KIAA0513: variants seen among roughly 807,000 people sequenced by gnomAD.
KIAA0513 encodes KIAA0513.
A neutral mutation model predicts 56.5 loss-of-function variants in KIAA0513; 39 were observed. That is an observed-to-expected ratio of 0.69 (90% CI 0.53 to 0.90). KIAA0513 has a LOEUF of 0.90. Among genes scored for constraint, KIAA0513 ranks in the 40% least tolerant of loss-of-function variants. The pLI, the probability that KIAA0513 is intolerant of heterozygous loss-of-function variation, is 0.00. For synonymous variants in KIAA0513, 268 were observed against 215.6 expected (o/e 1.24, Z -2.13); for missense variants, 591 against 535.2 (o/e 1.10, Z -1.03).
At chr16:85,068,687 G>C (rs984199392) in intron 2 of KIAA0513, among the ~76,000 whole-genome samples, 3 of 151,982 alleles carry the variant, frequency 2.0e-5, no homozygotes, top group Admixed American at 6.6e-5. Context: ...GGCTGGTCTC[G>C]AACTCCTGAC....
Position 85,077,645 on chromosome 16 carries a change from T to G in KIAA0513, c.782+13T>G. 6.3e-7 allele frequency: 1 copy of G among 1,586,004 alleles called. No individual in the cohort carries two copies. The highest frequency in any genetic ancestry group is 8.6e-7 in the Non-Finnish European group (1 of 1,162,006). On this transcript the variant is annotated intron_variant, in intron 6 of 12. Transcript: ENST00000683363. ...CCAGGAGGAACGAGTACGTGTGGCC[T>G]TGGGGTCCCTCCCACCTGCAGGGGA... is the stretch of plus-strand genomic sequence containing the variant.
chr16:85,045,339 AC>A (rs2073157318), intron 1 of KIAA0513, among the ~76,000 whole-genome samples: 1 of 152,050 alleles, frequency 6.6e-6, no homozygotes, highest in African/African-American at 2.4e-5. Context: ...TATATTTGAT[AC>A]TTAAGCAGAG....
intron 1 of KIAA0513, among the ~76,000 whole-genome samples, chr16:85,065,009 C>G (rs899294533): frequency 6.6e-6 from 1 of 152,218 alleles, no homozygotes; most frequent in Non-Finnish European, 1.5e-5. Context: ...CTCTTGCGTG[C>G]CTTGCCTATT....
intron 1 of KIAA0513, among the ~76,000 whole-genome samples, chr16:85,064,469 A>G (rs1207839477): frequency 1.3e-5 from 2 of 152,230 alleles, no homozygotes; most frequent in Non-Finnish European, 2.9e-5. Flanking sequence ...GAAGAGAGAA[A>G]AATAAGAATG....
Position 85,077,154 on chromosome 16 carries a change from C to T in KIAA0513, c.575-271C>T, listed in dbSNP as rs540536061. 2.6e-5 allele frequency among the ~76,000 whole-genome samples: 4 copies of T among 152,276 alleles called. No homozygotes were observed. In the South Asian group the frequency reaches 8.3e-4, roughly 32 times the overall value. ...CCTGCAGACCCTGCCACTTGGGCCT[C>T]GCTCCTCCTGCTTGCATCTACTTTG... On this transcript the variant is annotated intron_variant, in intron 5 of 12. Transcript: ENST00000683363.
chr16:85,077,031 C>G (rs554064654), intron 5 of KIAA0513, among the ~76,000 whole-genome samples: 6 of 152,158 alleles, frequency 3.9e-5, no homozygotes, highest in Non-Finnish European at 5.9e-5. Flanking sequence ...CAGGCCCCCC[C>G]CCAACCCGGT....
chr16:85,068,912 C>G (rs1244666583), intron 2 of KIAA0513, among the ~76,000 whole-genome samples: 1 of 152,158 alleles, frequency 6.6e-6, no homozygotes. Context: ...TAGCCACTCC[C>G]TAGCGCTCCT....
rs58904956 is a variant in KIAA0513, at chr16:85,058,654, CAA to C, written c.-172-8233_-172-8232del. Among the ~76,000 whole-genome samples the C allele has an allele frequency of 5.6e-4, 69 of 122,770 alleles. 1 individual carries two copies. The highest frequency in any genetic ancestry group is 7.9e-4 in the Admixed American group (10 of 12,596). 80.5% of individuals were successfully genotyped at this position (122,770 alleles called of 152,430 possible). A position where few individuals can be genotyped will look rare whatever the true frequency, so the allele number is the denominator to read the frequency against. ...GCAACAAGAGCGGAACTCCATCTCA[CAA>C]AAAAAAAAAAAACACACAAGAAAAC... On this transcript the variant is annotated intron_variant, in intron 1 of 12. Transcript: ENST00000683363.
chr16:85,060,856 A>G (rs1300912108), intron 1 of KIAA0513, among the ~76,000 whole-genome samples: 45 of 151,242 alleles, frequency 3.0e-4, no homozygotes, highest in Middle Eastern at 3.5e-3. Context: ...AAAAAAAAAA[A>G]AAGAAGAAAG....
chr16:85,070,811 A>G (rs2073562373), intron 2 of KIAA0513, among the ~76,000 whole-genome samples: 1 of 152,210 alleles, frequency 6.6e-6, no homozygotes, highest in South Asian at 2.1e-4. Context: ...CACGCTGGTT[A>G]ACGAAAGGGG....
intron 1 of KIAA0513, among the ~76,000 whole-genome samples, chr16:85,039,297 A>G (rs2073075511): frequency 6.6e-6 from 1 of 152,128 alleles, no homozygotes; most frequent in Non-Finnish European, 1.5e-5. Context: ...AAAGGTCTGT[A>G]TGATTACTCT....
In KIAA0513 at chr16:85,088,346, CAGG is replaced by C. The variant is rs769953094; in HGVS notation, c.*26_*28del. ...AGTAGGCCCCAGAGGTCGCACTCCG[CAGG>C]AGGACTGAGGCCATGTGCCATTCTC... On this transcript the variant is annotated 3_prime_UTR_variant, in exon 13 of 13. Coordinates refer to ENST00000683363, the MANE Select transcript of KIAA0513 (RefSeq NM_001388359.1). 1.2e-6 allele frequency: 2 copies of C among 1,603,870 alleles called. No individual in the cohort carries two copies. Among genetic ancestry groups the C allele is most frequent in the Non-Finnish European group, 1.7e-6 (2 of 1,176,786 alleles).
intron 1 of KIAA0513, among the ~76,000 whole-genome samples, chr16:85,041,454 T>A (rs548268629): frequency 6.6e-6 from 1 of 152,324 alleles, no homozygotes; most frequent in East Asian, 1.9e-4. Context: ...CACGTGGCTG[T>A]CATCTTCTCT....
At chr16:85,065,303 C>T (rs990619221) in intron 1 of KIAA0513, among the ~76,000 whole-genome samples, 6 of 152,186 alleles carry the variant, frequency 3.9e-5, no homozygotes, top group African/African-American at 1.2e-4. Flanking sequence ...ACGCAGCTGG[C>T]GAGGGGAGAC....
chr16:85,078,323 C>T, intron 6 of KIAA0513, 92 bp from the exon 7 acceptor site: 3 of 1,371,870 alleles, frequency 2.2e-6, no homozygotes, highest in East Asian at 2.3e-5. Context: ...TAAATGTACC[C>T]AGTCCCACCT....
intron 1 of KIAA0513, among the ~76,000 whole-genome samples, chr16:85,046,937 T>A (rs2073179661): frequency 6.6e-6 from 1 of 152,210 alleles, no homozygotes; most frequent in Admixed American, 6.5e-5. Flanking sequence ...TCAGATAAGA[T>A]GTTGATCATC....
chr16:85,074,847 T>C (rs916242291), intron 4 of KIAA0513, among the ~76,000 whole-genome samples: 2 of 152,198 alleles, frequency 1.3e-5, no homozygotes, highest in African/African-American at 4.8e-5. Flanking sequence ...TTTTGCATAG[T>C]TCTAATTCTC....
At chr16:85,078,184 C>G (rs1391235840) in intron 6 of KIAA0513, among the ~76,000 whole-genome samples, 11 of 152,202 alleles carry the variant, frequency 7.2e-5, no homozygotes, top group Admixed American at 7.2e-4. Context: ...CTCCTCTACC[C>G]CATTCAGCTT....
chr16:85,061,597 G>A (rs1267847491), intron 1 of KIAA0513, among the ~76,000 whole-genome samples: 1 of 152,204 alleles, frequency 6.6e-6, no homozygotes, highest in Non-Finnish European at 1.5e-5. Flanking sequence ...TTGATGGGAA[G>A]GGGCAGGCTC....
Sources: gnomAD v4.1 joint callset for allele counts (sites outside exome capture counted in the v4.1 genomes callset) on GRCh38, gnomAD v4.1.1 for gene constraint, MANE v1.5 for transcripts, NCBI Gene and HGNC (gene_info 2026-07-23, HGNC 2026-07-21) for gene names.